Variants in VPS13A observed in about 807,000 individuals in gnomAD.
The protein encoded by VPS13A is intermembrane lipid transfer protein VPS13A.
VPS13A carries 264 observed loss-of-function variants against 390.9 expected under a neutral mutation model. The ratio of observed to expected loss-of-function variants is 0.68; its 90% CI spans 0.61 to 0.75. The LOEUF is 0.75. VPS13A is among the 30% of genes least tolerant of loss of function. VPS13A has a pLI of 0.00. For missense variants in VPS13A, 3,409 were observed against 3,733.9 expected (o/e 0.91, Z 2.27); for synonymous variants, 1,231 against 1,227.1 (o/e 1.00, Z -0.07).
chr9:77,333,457 G>A (rs1427156442), intron 46 of VPS13A, among the ~76,000 whole-genome samples: 1 of 124,242 alleles, frequency 8.0e-6, no homozygotes, highest in East Asian at 2.4e-4. Context: ...TTGAGATGGA[G>A]TTTCGCTCTT....
chr9:77,358,074 G>T (rs925359838), intron 56 of VPS13A, among the ~76,000 whole-genome samples: 2 of 148,316 alleles, frequency 1.3e-5, no homozygotes, highest in Admixed American at 6.9e-5. Context: ...TGCTGCCTCA[G>T]CCTCCTGAGT....
chr9:77,214,700 G>C (rs1004776246), intron 10 of VPS13A, among the ~76,000 whole-genome samples: 1 of 152,172 alleles, frequency 6.6e-6, no homozygotes, highest in Non-Finnish European at 1.5e-5. Flanking sequence ...AAAATGGCAA[G>C]TAAAATTTAA....
intron 68 of VPS13A, among the ~76,000 whole-genome samples, chr9:77,385,877 T>G (rs1256126893): frequency 6.6e-6 from 1 of 151,570 alleles, no homozygotes; most frequent in Non-Finnish European, 1.5e-5. Context: ...TTTTTGAAAG[T>G]GACTACTTTA....
chr9:77,274,657 T>A (rs1826542583), intron 24 of VPS13A, among the ~76,000 whole-genome samples: 1 of 152,040 alleles, frequency 6.6e-6, no homozygotes, highest in African/African-American at 2.4e-5. Context: ...ATAACTATTC[T>A]GATACCAAAT....
intron 68 of VPS13A, among the ~76,000 whole-genome samples, chr9:77,399,184 AAAAAAAAAAAAAAAAAAAAAAC>A (rs1834257496): frequency 1.5e-5 from 2 of 133,554 alleles, no homozygotes; most frequent in Non-Finnish European, 3.2e-5. Flanking sequence ...AAAAAAATAA[AAAAAAAAAAAAAAAAAAAAAAC>A]AAAGGATACG....
chr9:77,228,315 T>A, intron 17 of VPS13A, 51 bp downstream of exon 17: 1 of 1,486,400 alleles, frequency 6.7e-7, no homozygotes, highest in South Asian at 1.3e-5. Flanking sequence ...CTTCACTGTG[T>A]TCTTAGACAT....
chr9:77,250,061 T>C (rs1158078326), intron 20 of VPS13A, 36 bp from the exon 21 acceptor site: 4 of 1,610,188 alleles, frequency 2.5e-6, no homozygotes, highest in Middle Eastern at 1.7e-4. Context: ...TTTTGAAGTA[T>C]TTTGCATAGT....
chr9:77,204,639 G>A (rs1825531692), intron 3 of VPS13A, among the ~76,000 whole-genome samples: 1 of 151,790 alleles, frequency 6.6e-6, no homozygotes, highest in South Asian at 2.1e-4. Context: ...ACCTTTCATT[G>A]CGGGGAGGTA....
chr9:77,353,983 C>T (rs1831619783), intron 54 of VPS13A, among the ~76,000 whole-genome samples: 1 of 152,064 alleles, frequency 6.6e-6, no homozygotes, highest in East Asian at 1.9e-4. Context: ...TATGCTGTAG[C>T]TGTTGGAGGA....
chr9:77,416,125 C>A lies in VPS13A; in HGVS notation c.*119C>A. On this transcript the variant is annotated 3_prime_UTR_variant, in exon 72 of 72. Transcript: ENST00000360280. ...TTTCAAGTACCCTGTATTCTGGATG[C>A]TAAAAAACAAAAACAAACAAAAAAA... 3 of 1,195,598 alleles carry A rather than the reference C, an allele frequency of 2.5e-6. No homozygotes were observed. Among genetic ancestry groups the A allele is most frequent in the Non-Finnish European group, 3.6e-6 (3 of 835,882 alleles). 74.1% of individuals were successfully genotyped at this position (1,195,598 alleles called of 1,614,324 possible).
At chr9:77,272,783 C>A (rs966526875) in intron 23 of VPS13A, among the ~76,000 whole-genome samples, 4 of 152,108 alleles carry the variant, frequency 2.6e-5, no homozygotes, top group African/African-American at 9.7e-5. Context: ...TGTTTTATTG[C>A]TTGGCTGGGT....
chr9:77,205,405 T>C lies in VPS13A; in HGVS notation c.280T>C (p.Ser94Pro), dbSNP rs749642803. The C allele has an allele frequency of 1.5e-6, 2 of 1,353,430 alleles. No individual in the cohort carries two copies. Among genetic ancestry groups the C allele is most frequent in the East Asian group, 2.6e-5 (1 of 38,486 alleles). 83.8% of individuals were successfully genotyped at this position (1,353,430 alleles called of 1,614,324 possible). ...EEIYLLIVPSSRIKYDPLKEE... is the reference protein window; with the variant it reads ...EEIYLLIVPSPRIKYDPLKEE... Reference sequence around the variant, plus strand: ...AATTTATTTACTTATAGTGCCTTCTTCTAGTAAGTTAAATTTAAAAAAATT... The same window carrying C: ...AATTTATTTACTTATAGTGCCTTCTCCTAGTAAGTTAAATTTAAAAAAATT... Residue 94 changes from serine (S) to proline (P), a missense_variant, in exon 4 of 72, where the codon TCT becomes CCT. Physicochemically the swap from Ser to Pro is moderately conservative, Grantham distance 74 (BLOSUM62 -1). This residue lies in a region of VPS13A where 2,717 missense variants were observed against 2,917.4 expected (regional missense o/e 0.93). Coordinates refer to ENST00000360280, the MANE Select transcript of VPS13A (RefSeq NM_033305.3).
At chr9:77,367,767 G>A (rs879132520) in intron 61 of VPS13A, among the ~76,000 whole-genome samples, 2 of 152,188 alleles carry the variant, frequency 1.3e-5, no homozygotes, top group Admixed American at 1.3e-4. Flanking sequence ...AGTGGTACAT[G>A]AATGGGATTC....
chr9:77,298,965 G>A (rs1293526892), intron 33 of VPS13A, among the ~76,000 whole-genome samples: 11 of 152,122 alleles, frequency 7.2e-5, no homozygotes, highest in African/African-American at 2.7e-4. Context: ...TCCAGTTTCA[G>A]TTTTCTGCAA....
intron 38 of VPS13A, 67 bp from the exon 39 acceptor site, chr9:77,316,107 T>C: frequency 1.1e-6 from 1 of 895,752 alleles, no homozygotes. Context: ...ATTTTAATAT[T>C]TTCTTATAAA....
chr9:77,321,123 G>A lies in VPS13A; in HGVS notation c.5416-46G>A, dbSNP rs568312253. ...GTATTGGGATTTGTCTAGTTATGTT[G>A]TGTTCTTAGAATTTTTCCTTATATT... is the stretch of plus-strand genomic sequence containing the variant. On this transcript the variant is annotated intron_variant, in intron 42 of 71. Transcript: ENST00000360280. 1.9e-6 allele frequency: 3 copies of A among 1,538,686 alleles called. No individual in the cohort carries two copies. In the South Asian group the frequency reaches 3.4e-5, roughly 17 times the overall value.
chr9:77,320,894 C>T (rs1489374597), intron 42 of VPS13A, among the ~76,000 whole-genome samples: 1 of 151,890 alleles, frequency 6.6e-6, no homozygotes, highest in Non-Finnish European at 1.5e-5. Flanking sequence ...ATTCAGATCC[C>T]GGGTACACAT....
chr9:77,185,147 C>G (rs1054837866), intron 1 of VPS13A, among the ~76,000 whole-genome samples: 14 of 144,774 alleles, frequency 9.7e-5, no homozygotes, highest in African/African-American at 3.5e-4. Context: ...GACATTATCT[C>G]TTTTTTTTTT....
chr9:77,209,513 A>T lies in VPS13A; in HGVS notation c.476A>T (p.His159Leu). 1 of 1,594,068 alleles carries T rather than the reference A, an allele frequency of 6.3e-7. No individual in the cohort carries two copies. The highest frequency in any genetic ancestry group is 8.6e-7 in the Non-Finnish European group (1 of 1,163,028). Residue 159 changes from histidine to leucine, a missense_variant, in exon 6 of 72, where the codon CAT becomes CTT. Transcript: ENST00000360280. ...KNLQVKISSI[H>L]IRYEDDITNR... ...CTTCAGGTGAAAATTTCCAGTATCC[A>T]TATTCGTTATGAAGATGATGTAAGT...
Sources: allele counts gnomAD v4.1 joint callset (sites outside exome capture counted in the v4.1 genomes callset), GRCh38; gene constraint gnomAD v4.1.1; regional missense constraint gnomAD v4.1.1; transcripts MANE v1.5; gene names NCBI Gene and HGNC (gene_info 2026-07-23, HGNC 2026-07-21).